The following INSL6 variants were observed in gnomAD, a reference collection of about 807,000 sequenced individuals.
INSL6 encodes insulin like 6, also known as insulin-like peptide INSL6.
INSL6 carries 16 observed loss-of-function variants against 9.4 expected under a neutral mutation model. The observed-to-expected ratio is 1.70, with a 90% CI of 1.15 to 2.59. The LOEUF is 2.59. Among genes scored for constraint, INSL6 ranks in the 30% most tolerant of loss-of-function variants. INSL6 has a pLI of 0.00. For synonymous variants in INSL6, 154 were observed against 96.9 expected (o/e 1.59, Z -3.46); for missense variants, 391 against 257.3 (o/e 1.52, Z -3.56).
chr9:5,000,414 G>A, the INSL6 span, among the ~76,000 whole-genome samples: 1 of 151,946 alleles, frequency 6.6e-6, no homozygotes, highest in African/African-American at 2.4e-5. Flanking sequence ...TTTTTAAAAG[G>A]GTATTTACAA....
the INSL6 span, chr9:5,098,443 AGTTCCTGG>A: frequency 6.6e-6 from 1 of 152,178 alleles, no homozygotes; most frequent in Non-Finnish European, 1.5e-5. Flanking sequence ...TTTCCTAATT[AGTTCCTGG>A]TTCTATACAT....
In INSL6 at chr9:5,164,084, G is replaced by C. The variant is rs763832761; in HGVS notation, c.471C>G (p.Thr157=). 14 of 1,613,292 alleles carry C rather than the reference G, an allele frequency of 8.7e-6. No homozygotes were observed. The highest frequency in any genetic ancestry group is 1.1e-5 in the Non-Finnish European group (13 of 1,179,744). Residue 157 remains threonine (T), a synonymous_variant, in exon 2 of 2, where the codon ACC becomes ACG. Coordinates refer to ENST00000381641, the MANE Select transcript of INSL6 (RefSeq NM_007179.3). ...FQKKRRNKIK[T]LSNLFWGHHP... ...GATGCCCCCAAAACAAATTGCTTAA[G>C]GTTTTAATTTTGTTTCTACGTTTCT...
chr9:5,141,407 A>G (rs1236283118), intron 2 of INSL6, among the ~76,000 whole-genome samples: 1 of 152,156 alleles, frequency 6.6e-6, no homozygotes, highest in Non-Finnish European at 1.5e-5. Flanking sequence ...TATTGGCATG[A>G]GATGGTATCT....
the INSL6 span, among the ~76,000 whole-genome samples, chr9:5,001,228 T>C: frequency 2.6e-5 from 4 of 152,176 alleles, no homozygotes; most frequent in African/African-American, 7.2e-5. Context: ...GAACCTCCAG[T>C]GTTGAATAGA....
At chr9:5,080,637 T>C in the INSL6 span, 1 of 1,604,762 alleles carries the variant, frequency 6.2e-7, no homozygotes, top group Non-Finnish European at 8.5e-7. Flanking sequence ...ATTTCAGGCC[T>C]TCTTTCAGAG....
At chr9:4,992,940 T>G in the INSL6 span, among the ~76,000 whole-genome samples, 1 of 152,194 alleles carries the variant, frequency 6.6e-6, no homozygotes, top group Non-Finnish European at 1.5e-5. Flanking sequence ...TGGGTTTACC[T>G]TCTGAATTAT....
chr9:5,132,939 A>C (rs1363730687), intron 3 of INSL6: 2 of 152,192 alleles, frequency 1.3e-5, no homozygotes, highest in Non-Finnish European at 2.9e-5. Flanking sequence ...CAGGGAGCCT[A>C]ATTTGGTGTG....
chr9:5,034,193 G>A, the INSL6 span, among the ~76,000 whole-genome samples: 3 of 152,128 alleles, frequency 2.0e-5, no homozygotes, highest in East Asian at 1.9e-4. Flanking sequence ...AGAGCTAACT[G>A]TCCTAAATAT....
At chr9:5,185,187 A>AT in intron 1 of INSL6, 127 bp downstream of exon 1, 1 of 1,216,860 alleles carries the variant, frequency 8.2e-7, no homozygotes, top group Non-Finnish European at 1.2e-6. Context: ...GTTTTTTACA[A>AT]TTTTTTAAAG....
the INSL6 span, chr9:5,029,962 T>G: frequency 6.7e-7 from 1 of 1,482,626 alleles, no homozygotes; most frequent in Non-Finnish European, 9.1e-7. Flanking sequence ...TGGGAGAAAT[T>G]ATCAAATATT....
the INSL6 span, chr9:5,069,972 C>T: frequency 1.9e-6 from 3 of 1,605,924 alleles, no homozygotes; most frequent in Admixed American, 1.7e-5. Context: ...TTCTGATGTA[C>T]CAACCTCACC....
intron 1 of INSL6, among the ~76,000 whole-genome samples, chr9:5,171,596 C>T (rs563918162): frequency 6.6e-6 from 1 of 152,320 alleles, no homozygotes; most frequent in African/African-American, 2.4e-5. Context: ...AACACACCAT[C>T]ATCTCTGCTC....
the INSL6 span, among the ~76,000 whole-genome samples, chr9:5,065,890 T>A: frequency 6.6e-6 from 1 of 152,180 alleles, no homozygotes; most frequent in Non-Finnish European, 1.5e-5. Context: ...AAGAGTTGAT[T>A]TAGTCTATGC....
the INSL6 span, among the ~76,000 whole-genome samples, chr9:5,079,138 G>T: frequency 2.8e-3 from 424 of 152,212 alleles, 1 homozygote; most frequent in Non-Finnish European, 3.4e-3. Context: ...GTGATAACTG[G>T]GCAGTAGTAC....
At chr9:5,044,151 CCTA>C in the INSL6 span, among the ~76,000 whole-genome samples, 1 of 152,102 alleles carries the variant, frequency 6.6e-6, no homozygotes. Context: ...TTTTTTGTTT[CCTA>C]CTATTGCTTC....
At chr9:5,071,108 CAT>C in the INSL6 span, among the ~76,000 whole-genome samples, 2 of 152,160 alleles carry the variant, frequency 1.3e-5, no homozygotes, top group Non-Finnish European at 2.9e-5. Flanking sequence ...ATTTGGGCTT[CAT>C]TATACTACCT....
chr9:5,159,765 T>C (rs554591999), downstream of INSL6, among the ~76,000 whole-genome samples: 12 of 152,188 alleles, frequency 7.9e-5, no homozygotes, highest in Non-Finnish European at 1.2e-4. Context: ...CAAAGAAACA[T>C]TGGACTTAAT....
intron 1 of INSL6, among the ~76,000 whole-genome samples, chr9:5,174,625 T>C (rs1406878654): frequency 6.6e-6 from 1 of 152,228 alleles, no homozygotes; most frequent in African/African-American, 2.4e-5. Context: ...CTTACTCTTC[T>C]GGTGATCTCC....
At chr9:5,065,605 T>C in the INSL6 span, among the ~76,000 whole-genome samples, 1 of 152,240 alleles carries the variant, frequency 6.6e-6, no homozygotes, top group African/African-American at 2.4e-5. Context: ...AATTTAATTT[T>C]AATTTCTTTA....
Sources: allele counts gnomAD v4.1 joint callset (sites outside exome capture counted in the v4.1 genomes callset), GRCh38; gene constraint gnomAD v4.1.1; transcripts MANE v1.5; gene names NCBI Gene and HGNC (gene_info 2026-07-23, HGNC 2026-07-21).